The following LRBA variants were observed in gnomAD, a reference collection of about 807,000 sequenced individuals.
LRBA encodes the protein lipopolysaccharide-responsive and beige-like anchor protein.
Under a neutral mutation model 330.0 loss-of-function variants are expected in LRBA, and 176 were observed. The ratio of observed to expected loss-of-function variants is 0.53; its 90% CI spans 0.47 to 0.60. The LOEUF is 0.60. LRBA is among the 20% of genes least tolerant of loss of function. The pLI is 0.00. For synonymous variants in LRBA, 1,230 were observed against 1,193.0 expected (o/e 1.03, Z -0.64); for missense variants, 3,259 against 3,444.8 (o/e 0.95, Z 1.35).
In LRBA at chr4:150,489,037, AT is replaced by A. The variant is rs1758278146; in HGVS notation, c.6449-1204del. On this transcript the variant is annotated intron_variant, in intron 41 of 56. Transcript: ENST00000651943. ...TATTATATATAAGAATATATATTAT[AT>A]ATAATATATTATATATAAGAATATA... Among the ~76,000 whole-genome samples, 4 of 117,416 alleles carry A rather than the reference AT, an allele frequency of 3.4e-5. No homozygotes were observed. The South Asian group carries it at 9.4e-4, about 28-fold the overall frequency. The allele number at this position is 117,416 out of a possible 152,430, so 77.0% of individuals were successfully genotyped here.
intron 40 of LRBA, among the ~76,000 whole-genome samples, chr4:150,532,315 ATAT>A (rs1764130933): frequency 6.6e-6 from 1 of 152,210 alleles, no homozygotes; most frequent in Non-Finnish European, 1.5e-5. Context: ...ACATTAAAAT[ATAT>A]TCCAAAAGTG....
At chr4:150,757,060 A>G (rs1383704838) in intron 35 of LRBA, among the ~76,000 whole-genome samples, 1 of 152,152 alleles carries the variant, frequency 6.6e-6, no homozygotes, top group Non-Finnish European at 1.5e-5. Flanking sequence ...TATTATAAGT[A>G]TATGTATTTT....
At chr4:150,693,382 T>C (rs1321167702) in intron 36 of LRBA, among the ~76,000 whole-genome samples, 1 of 150,870 alleles carries the variant, frequency 6.6e-6, no homozygotes, top group African/African-American at 2.4e-5. Flanking sequence ...GCTAAAACGG[T>C]GAAACCCCGT....
intron 50 of LRBA, among the ~76,000 whole-genome samples, chr4:150,318,990 G>A (rs2126915203): frequency 6.6e-6 from 1 of 152,276 alleles, no homozygotes; most frequent in South Asian, 2.1e-4. Flanking sequence ...AGAAAAATTG[G>A]AAGTGGAGAA....
At chr4:150,883,705 C>T (rs1201211) in intron 17 of LRBA, among the ~76,000 whole-genome samples, 146,219 of 152,310 alleles carry the variant, frequency 0.96, 70,458 homozygotes, top group Non-Finnish European at 1. Flanking sequence ...ATTCAAAAAT[C>T]ATTTTAAACT....
At chr4:150,403,990 C>G (rs954373679) in intron 47 of LRBA, among the ~76,000 whole-genome samples, 6 of 152,038 alleles carry the variant, frequency 3.9e-5, no homozygotes, top group Non-Finnish European at 7.4e-5. Flanking sequence ...TGAGATTGTG[C>G]CACTGTACTC....
intron 40 of LRBA, among the ~76,000 whole-genome samples, chr4:150,505,068 T>C (rs180782205): frequency 7.2e-5 from 11 of 152,270 alleles, no homozygotes; most frequent in Admixed American, 2.6e-4. Context: ...GCACCTAGAT[T>C]CATAAAGCAA....
chr4:150,678,434 A>G (rs912142518), intron 37 of LRBA, among the ~76,000 whole-genome samples: 4 of 152,184 alleles, frequency 2.6e-5, no homozygotes, highest in African/African-American at 7.2e-5. Flanking sequence ...GACAGATCCC[A>G]GAAATATCAA....
intron 36 of LRBA, among the ~76,000 whole-genome samples, chr4:150,706,929 T>A (rs1256824487): frequency 6.6e-6 from 1 of 151,706 alleles, no homozygotes; most frequent in African/African-American, 2.4e-5. Flanking sequence ...GTGACAAAAG[T>A]CCAAATATGC....
chr4:150,773,664 T>G (rs184341017), intron 34 of LRBA, among the ~76,000 whole-genome samples: 1 of 152,256 alleles, frequency 6.6e-6, no homozygotes, highest in Non-Finnish European at 1.5e-5. Flanking sequence ...GGCAGTTCAG[T>G]GGCTTCCACC....
chr4:150,972,380 A>G (rs1249440973), intron 2 of LRBA, among the ~76,000 whole-genome samples: 1 of 152,140 alleles, frequency 6.6e-6, no homozygotes, highest in Non-Finnish European at 1.5e-5. Context: ...GTTAAAAAAT[A>G]AAATAAAATA....
intron 40 of LRBA, among the ~76,000 whole-genome samples, chr4:150,537,848 G>C (rs1426539612): frequency 6.6e-6 from 1 of 152,004 alleles, no homozygotes; most frequent in Non-Finnish European, 1.5e-5. Context: ...CCAGCTATTT[G>C]GGAGGCTGAG....
intron 35 of LRBA, among the ~76,000 whole-genome samples, chr4:150,752,006 A>T (rs192969747): frequency 6.6e-6 from 1 of 152,260 alleles, no homozygotes; most frequent in Non-Finnish European, 1.5e-5. Context: ...ATGACCACTG[A>T]TGAGAAAGGA....
chr4:150,507,205 T>C (rs1761211542), intron 40 of LRBA, among the ~76,000 whole-genome samples: 1 of 151,776 alleles, frequency 6.6e-6, no homozygotes, highest in Non-Finnish European at 1.5e-5. Flanking sequence ...AATGACTTTC[T>C]TCACAGAATT....
intron 44 of LRBA, among the ~76,000 whole-genome samples, chr4:150,446,000 A>G (rs756198899): frequency 6.6e-6 from 1 of 152,152 alleles, no homozygotes; most frequent in Non-Finnish European, 1.5e-5. Flanking sequence ...TAAGTTAAAG[A>G]TATCAATATA....
At chr4:150,600,483 CAG>C (rs1774000341) in intron 37 of LRBA, among the ~76,000 whole-genome samples, 1 of 152,004 alleles carries the variant, frequency 6.6e-6, no homozygotes, top group African/African-American at 2.4e-5. Flanking sequence ...AAAGCATAAA[CAG>C]TACGTTATTT....
At chr4:150,745,904 C>G (rs191487775) in intron 35 of LRBA, among the ~76,000 whole-genome samples, 70 of 152,172 alleles carry the variant, frequency 4.6e-4, no homozygotes, top group Admixed American at 1.6e-3. Flanking sequence ...CTGACATATA[C>G]ACTTAGATAG....
intron 24 of LRBA, among the ~76,000 whole-genome samples, chr4:150,850,498 T>A (rs901148680): frequency 3.9e-5 from 6 of 152,176 alleles, no homozygotes; most frequent in Admixed American, 3.3e-4. Context: ...TACTACAAAT[T>A]TTTTTAAAAG....
At chr4:150,837,621 T>G (rs1748338287) in intron 28 of LRBA, among the ~76,000 whole-genome samples, 1 of 152,172 alleles carries the variant, frequency 6.6e-6, no homozygotes, top group Admixed American at 6.5e-5. Flanking sequence ...AACCCCTGCC[T>G]TTTTTTGTTT....
Sources: gnomAD v4.1 joint callset for allele counts (sites outside exome capture counted in the v4.1 genomes callset) on GRCh38, gnomAD v4.1.1 for gene constraint, MANE v1.5 for transcripts, NCBI Gene and HGNC (gene_info 2026-07-23, HGNC 2026-07-21) for gene names.